ETV7: variants seen among roughly 807,000 people sequenced by gnomAD.
ETV7 encodes the protein ETS variant transcription factor 7.
A neutral mutation model predicts 39.1 loss-of-function variants in ETV7; 43 were observed. That is an observed-to-expected ratio of 1.10 (90% confidence interval 0.86 to 1.42). The LOEUF is 1.42. ETV7 is among the 40% of genes most tolerant of loss of function. ETV7 has a pLI of 0.00. For missense variants in ETV7, 432 were observed against 442.3 expected (o/e 0.98, Z 0.21); for synonymous variants, 196 against 176.6 (o/e 1.11, Z -0.87).
downstream of ETV7, among the ~76,000 whole-genome samples, chr6:36,361,643 A>G (rs1478127988): frequency 6.6e-6 from 1 of 152,270 alleles, no homozygotes; most frequent in Non-Finnish European, 1.5e-5. Flanking sequence ...TTTCTAAGAA[A>G]GAATCCACCT....
At chr6:36,377,817 C>T (rs1416885150) in intron 2 of ETV7, among the ~76,000 whole-genome samples, 2 of 152,128 alleles carry the variant, frequency 1.3e-5, no homozygotes, top group African/African-American at 2.4e-5. Flanking sequence ...ATAACTCTAA[C>T]GATAGTCCTC....
downstream of ETV7, among the ~76,000 whole-genome samples, chr6:36,363,550 A>C (rs901604980): frequency 2.0e-5 from 3 of 152,242 alleles, no homozygotes; most frequent in African/African-American, 4.8e-5. Flanking sequence ...GTTACAGCTA[A>C]TAAAAGCAGC....
chr6:36,378,063 A>G (rs7764323), intron 2 of ETV7, among the ~76,000 whole-genome samples: 139,281 of 152,278 alleles, frequency 0.91, 63,957 homozygotes, highest in African/African-American at 0.98. Flanking sequence ...AACTAAGATC[A>G]AATGGTCTTA....
chr6:36,384,410 TC>T (rs1207301689), intron 2 of ETV7, among the ~76,000 whole-genome samples: 1 of 152,128 alleles, frequency 6.6e-6, no homozygotes, highest in African/African-American at 2.4e-5. Flanking sequence ...TGTTTGGAGG[TC>T]CTGGTGTTCT....
intron 6 of ETV7, among the ~76,000 whole-genome samples, chr6:36,368,315 C>T (rs1340745344): frequency 6.6e-6 from 1 of 152,188 alleles, no homozygotes; most frequent in Non-Finnish European, 1.5e-5. Context: ...TTATCATTAT[C>T]GTTAATAGTT....
chr6:36,358,528 T>C (rs747313951), intron 7 of ETV7, among the ~76,000 whole-genome samples: 2 of 152,256 alleles, frequency 1.3e-5, no homozygotes. Flanking sequence ...GAAGGGTCCC[T>C]GGCTGAAAGC....
chr6:36,369,884 A>G (rs4713967), intron 5 of ETV7, among the ~76,000 whole-genome samples: 54,650 of 151,376 alleles, frequency 0.36, 11,407 homozygotes, highest in African/African-American at 0.57. Flanking sequence ...CCAGCCTGGC[A>G]ACAGAGTGAG....
chr6:36,371,615 C>T (rs979388580), intron 4 of ETV7, 55 bp from the exon 5 acceptor site: 2 of 1,404,890 alleles, frequency 1.4e-6, no homozygotes, highest in Non-Finnish European at 2.0e-6. Context: ...GCCTCCCCAA[C>T]TCAATCCCTC....
At chr6:36,365,889 C>T (rs560121118), downstream of ETV7, among the ~76,000 whole-genome samples, 4 of 152,270 alleles carry the variant, frequency 2.6e-5, no homozygotes, top group Admixed American at 1.3e-4. Context: ...TAAGAAACAT[C>T]GGCTGGACGC....
intron 4 of ETV7, among the ~76,000 whole-genome samples, chr6:36,372,365 G>A (rs751288699): frequency 9.2e-5 from 14 of 152,108 alleles, no homozygotes; most frequent in African/African-American, 1.9e-4. Flanking sequence ...AGGAGTCAGC[G>A]GAAGAACTGC....
At chr6:36,371,874 A>C (rs1437495076) in intron 4 of ETV7, among the ~76,000 whole-genome samples, 1 of 152,170 alleles carries the variant, frequency 6.6e-6, no homozygotes, top group Non-Finnish European at 1.5e-5. Context: ...TGTCCTCTCC[A>C]TTTGCCCAAC....
chr6:36,384,896 G>A (rs917376691), intron 2 of ETV7, among the ~76,000 whole-genome samples: 1 of 151,902 alleles, frequency 6.6e-6, no homozygotes, highest in African/African-American at 2.4e-5. Flanking sequence ...CAAACAAAAA[G>A]CTAAAGAAAA....
intron 7 of ETV7, among the ~76,000 whole-genome samples, chr6:36,354,866 CTTTAAG>C (rs1772297982): frequency 6.6e-6 from 1 of 152,086 alleles, no homozygotes; most frequent in African/African-American, 2.4e-5. Context: ...ATGTCTTGTG[CTTTAAG>C]TTTATTTGTG....
At chr6:36,363,195 C>T (rs905483429), downstream of ETV7, among the ~76,000 whole-genome samples, 29 of 152,340 alleles carry the variant, frequency 1.9e-4, no homozygotes, top group African/African-American at 6.5e-4. Context: ...CGCGGACCCT[C>T]GCGGTGAGTC....
chr6:36,374,473 C>T (rs990116075), intron 3 of ETV7, among the ~76,000 whole-genome samples: 1 of 152,094 alleles, frequency 6.6e-6, no homozygotes, highest in African/African-American at 2.4e-5. Flanking sequence ...GGGTAGAGAG[C>T]CAATCTGGGG....
At chr6:36,364,572 G>T (rs906303504), downstream of ETV7, among the ~76,000 whole-genome samples, 2 of 152,224 alleles carry the variant, frequency 1.3e-5, no homozygotes, top group African/African-American at 4.8e-5. Context: ...CAGCTGGCCC[G>T]CAAGCGCCGC....
In ETV7 at chr6:36,366,955, G is replaced by A. The variant is rs2234081; in HGVS notation, c.828C>T (p.Tyr276=). 8,774 of 1,613,926 alleles carry A rather than the reference G, an allele frequency of 5.4e-3. 72 individuals are homozygous for A. Among genetic ancestry groups the A allele is most frequent in the South Asian group, 0.026 (2,350 of 91,076 alleles). ...GGCGCAGGGCACGAGACATCTTCTC[G>A]TAGGTCATGTTCACCCGGTTCTGGA... is the stretch of plus-strand genomic sequence containing the variant. ...GNHKNRVNMT[Y]EKMSRALRHY... The change falls in exon 7 of 8, where the codon TAC becomes TAT. Residue 276 remains tyrosine, a synonymous_variant. Coordinates refer to ENST00000340181, the MANE Select transcript of ETV7 (RefSeq NM_016135.4).
chr6:36,382,571 T>C (rs1206870386), intron 2 of ETV7, among the ~76,000 whole-genome samples: 1 of 152,168 alleles, frequency 6.6e-6, no homozygotes, highest in Admixed American at 6.5e-5. Flanking sequence ...CTGTTAGCGC[T>C]GATCTATTAA....
chr6:36,359,541 G>A (rs1772432244), intron 7 of ETV7, among the ~76,000 whole-genome samples: 1 of 152,132 alleles, frequency 6.6e-6, no homozygotes, highest in Non-Finnish European at 1.5e-5. Context: ...AAGATGATTT[G>A]TTCCTGCTTA....
Sources: allele counts gnomAD v4.1 joint callset (sites outside exome capture counted in the v4.1 genomes callset), GRCh38; gene constraint gnomAD v4.1.1; transcripts MANE v1.5; gene names NCBI Gene and HGNC (gene_info 2026-07-23, HGNC 2026-07-21).